ZBTB20: variants seen among roughly 807,000 people sequenced by gnomAD.
ZBTB20 encodes the protein zinc finger and BTB domain-containing protein 20.
In ZBTB20, 9 loss-of-function variants were observed where a neutral mutation model predicts 56.9. The observed-to-expected ratio is 0.16, with a 90% CI of 0.10 to 0.28. The LOEUF is 0.28. Ranked by LOEUF, ZBTB20 falls within the 10% of genes least tolerant of loss-of-function variation. ZBTB20 has a pLI of 1.00. For missense variants in ZBTB20, 655 were observed against 1,003.0 expected (o/e 0.65, Z 4.69); for synonymous variants, 417 against 420.7 (o/e 0.99, Z 0.11).
intron 5 of ZBTB20, among the ~76,000 whole-genome samples, chr3:114,714,418 C>A (rs1011985625): frequency 6.6e-6 from 1 of 152,112 alleles, no homozygotes; most frequent in Non-Finnish European, 1.5e-5. Flanking sequence ...GGCTGAAGCC[C>A]AGGTTACACT....
chr3:114,817,416 G>A lies in ZBTB20; in HGVS notation c.-416-16242C>T, dbSNP rs547974152. Among the ~76,000 whole-genome samples, 29 of 152,158 alleles carry A rather than the reference G, an allele frequency of 1.9e-4. No homozygotes were observed. In the East Asian group the frequency reaches 5.6e-3, roughly 29 times the overall value. On this transcript the variant is annotated intron_variant, in intron 4 of 11. Coordinates refer to ENST00000675478, the MANE Select transcript of ZBTB20 (RefSeq NM_001348800.3). ...GCCTGTAATCCGAGCTACTCAGGAA[G>A]CTGAGGCAGGAGAATCACTTGAACC...
chr3:114,837,125 G>C (rs1476749796), intron 4 of ZBTB20, among the ~76,000 whole-genome samples: 1 of 152,128 alleles, frequency 6.6e-6, no homozygotes, highest in Non-Finnish European at 1.5e-5. Flanking sequence ...TTCACTCGTA[G>C]CTCAAATATT....
chr3:114,583,588 T>TA (rs2054875430), intron 6 of ZBTB20, among the ~76,000 whole-genome samples: 2 of 152,296 alleles, frequency 1.3e-5, no homozygotes, highest in Admixed American at 6.5e-5. Context: ...CAGATTCATT[T>TA]AAAAAACATG....
At chr3:114,560,537 C>A (rs2110276546) in intron 6 of ZBTB20, among the ~76,000 whole-genome samples, 1 of 152,326 alleles carries the variant, frequency 6.6e-6, no homozygotes, top group East Asian at 1.9e-4. Flanking sequence ...TCATATCCCA[C>A]CTGTCTGATG....
intron 2 of ZBTB20, among the ~76,000 whole-genome samples, chr3:114,999,777 T>C (rs866413733): frequency 5.9e-5 from 9 of 151,716 alleles, no homozygotes; most frequent in Middle Eastern, 3.2e-3. Context: ...GCTATCATTG[T>C]TTTTTAACTG....
intron 4 of ZBTB20, among the ~76,000 whole-genome samples, chr3:114,828,039 T>C (rs2073635024): frequency 6.6e-6 from 1 of 151,748 alleles, no homozygotes; most frequent in Admixed American, 6.6e-5. Context: ...TAAATGGGGA[T>C]TAACTGATAA....
intron 5 of ZBTB20, among the ~76,000 whole-genome samples, chr3:114,781,393 T>C (rs2070087620): frequency 6.6e-6 from 1 of 152,230 alleles, no homozygotes; most frequent in Admixed American, 6.5e-5. Context: ...TACAAGCCTG[T>C]TAAACATTTT....
At chr3:114,568,665 T>C (rs1370399381) in intron 6 of ZBTB20, among the ~76,000 whole-genome samples, 1 of 152,218 alleles carries the variant, frequency 6.6e-6, no homozygotes, top group Non-Finnish European at 1.5e-5. Context: ...TCTTCTCTCA[T>C]GGATGTTATC....
At chr3:114,900,512 T>TATATACACACACACAC (rs549497546) in intron 3 of ZBTB20, 170 bp from the exon 4 acceptor site, 1 of 145,748 alleles carries the variant, frequency 6.9e-6, no homozygotes, top group Non-Finnish European at 1.5e-5. Context: ...TGAAAATATA[T>TATATACACACACACAC]ACACACACAC....
intron 1 of ZBTB20, among the ~76,000 whole-genome samples, chr3:115,123,814 A>C (rs990790429): frequency 5.9e-5 from 9 of 152,204 alleles, no homozygotes; most frequent in Non-Finnish European, 1.0e-4. Flanking sequence ...CTGAATAAAA[A>C]TACGTGGCAC....
At chr3:114,934,616 TGG>T (rs1231282826) in intron 3 of ZBTB20, among the ~76,000 whole-genome samples, 2 of 152,194 alleles carry the variant, frequency 1.3e-5, no homozygotes, top group Non-Finnish European at 1.5e-5. Flanking sequence ...ATGTGTACTG[TGG>T]CCCTTCCTCT....
chr3:114,939,339 T>C (rs2076653549), intron 3 of ZBTB20, among the ~76,000 whole-genome samples: 1 of 146,620 alleles, frequency 6.8e-6, no homozygotes, highest in Non-Finnish European at 1.5e-5. Context: ...TAAGCAGCTA[T>C]AGTATGTCTA....
chr3:115,066,389 A>T (rs2082208229), intron 2 of ZBTB20, among the ~76,000 whole-genome samples: 1 of 151,938 alleles, frequency 6.6e-6, no homozygotes, highest in South Asian at 2.1e-4. Flanking sequence ...ACAGTACCCA[A>T]ATCTTATCAA....
intron 4 of ZBTB20, among the ~76,000 whole-genome samples, chr3:114,859,330 T>A (rs1192848715): frequency 6.0e-5 from 9 of 150,902 alleles, no homozygotes; most frequent in Non-Finnish European, 1.3e-4. Flanking sequence ...CTTCCTTCCT[T>A]TCTTCTTTCC....
intron 6 of ZBTB20, among the ~76,000 whole-genome samples, chr3:114,534,661 C>T (rs968868851): frequency 2.0e-5 from 3 of 152,164 alleles, no homozygotes; most frequent in African/African-American, 7.2e-5. Context: ...CTACAGAACT[C>T]TCCACCCCAA....
At chr3:114,999,418 C>T (rs1444596539) in intron 2 of ZBTB20, among the ~76,000 whole-genome samples, 1 of 151,630 alleles carries the variant, frequency 6.6e-6, no homozygotes, top group African/African-American at 2.4e-5. Flanking sequence ...CTTCAAATAT[C>T]ATGTACTCAT....
At chr3:114,953,463 CT>C (rs1438365146) in intron 3 of ZBTB20, among the ~76,000 whole-genome samples, 3 of 151,700 alleles carry the variant, frequency 2.0e-5, no homozygotes, top group African/African-American at 7.3e-5. Flanking sequence ...CAATTATACA[CT>C]GTTTTCAACA....
chr3:114,465,218 TTC>T (rs2092493263), intron 7 of ZBTB20, among the ~76,000 whole-genome samples: 1 of 152,178 alleles, frequency 6.6e-6, no homozygotes, highest in Non-Finnish European at 1.5e-5. Context: ...TGAGTGTTTG[TTC>T]TCTGTTAGGC....
At chr3:114,896,724 C>T (rs2074897019) in intron 4 of ZBTB20, among the ~76,000 whole-genome samples, 1 of 151,894 alleles carries the variant, frequency 6.6e-6, no homozygotes, top group African/African-American at 2.4e-5. Flanking sequence ...TATTTAATAC[C>T]ATTGAACTGT....
Sources: allele counts gnomAD v4.1 joint callset (sites outside exome capture counted in the v4.1 genomes callset), GRCh38; gene constraint gnomAD v4.1.1; transcripts MANE v1.5; gene names NCBI Gene and HGNC (gene_info 2026-07-23, HGNC 2026-07-21).